The following CCBE1 variants were observed in gnomAD, a reference collection of about 807,000 sequenced individuals.
The protein encoded by CCBE1 is collagen and calcium binding EGF domains 1.
A neutral mutation model predicts 50.0 loss-of-function variants in CCBE1; 37 were observed. The ratio of observed to expected loss-of-function variants is 0.74; its 90% CI spans 0.57 to 0.97. The LOEUF (loss-of-function observed/expected upper bound fraction) is 0.97. CCBE1 is among the 50% of genes least tolerant of loss of function. The probability of loss-of-function intolerance (pLI) is 0.00; values close to 1 mark genes in which losing one functional copy is unlikely to be tolerated. For synonymous variants in CCBE1, 234 were observed against 203.7 expected, an observed-to-expected ratio of 1.15 and a Z score of -1.27; for missense variants, 538 against 523.8, an observed-to-expected ratio of 1.03 and a Z score of -0.26.
chr18:59,638,439 C>T (rs928940301), intron 2 of CCBE1, among the ~76,000 whole-genome samples: 48 of 151,978 alleles, frequency 3.2e-4, no homozygotes, highest in African/African-American at 1.0e-3. Context: ...GCAGCATCAG[C>T]ACCACTAGAG....
At chr18:59,633,744 T>TA (rs1555700923) in intron 2 of CCBE1, among the ~76,000 whole-genome samples, 26 of 151,584 alleles carry the variant, frequency 1.7e-4, no homozygotes, top group African/African-American at 5.3e-4. Context: ...TTTTTTTTTT[T>TA]AAAATAAAAC....
At chr18:59,455,082 G>T in intron 5 of CCBE1, 131 bp from the exon 6 acceptor site, 1 of 744,194 alleles carries the variant, frequency 1.3e-6, no homozygotes, top group South Asian at 1.5e-5. Context: ...TCAACTGTGG[G>T]TGATTTTACA....
chr18:59,624,735 C>G (rs929466103), intron 2 of CCBE1, among the ~76,000 whole-genome samples: 4 of 152,238 alleles, frequency 2.6e-5, no homozygotes, highest in Non-Finnish European at 5.9e-5. Context: ...CAGAGACACT[C>G]TTGTCACCAG....
chr18:59,616,828 G>T (rs1048582930), intron 2 of CCBE1, among the ~76,000 whole-genome samples: 1 of 152,182 alleles, frequency 6.6e-6, no homozygotes, highest in Non-Finnish European at 1.5e-5. Context: ...AAGCCTGTTC[G>T]GACGGAAGCC....
chr18:59,694,522 C>G (rs947166853), intron 2 of CCBE1, among the ~76,000 whole-genome samples: 1 of 152,210 alleles, frequency 6.6e-6, no homozygotes, highest in African/African-American at 2.4e-5. Context: ...TGGTTTCTTA[C>G]AGCAGTGCTT....
intron 9 of CCBE1, 40 bp from the exon 10 acceptor site, chr18:59,438,186 T>C (rs1162087460): frequency 2.5e-6 from 4 of 1,588,400 alleles, no homozygotes; most frequent in Middle Eastern, 1.7e-4. Context: ...CTAGAGCACA[T>C]GGATATCACA....
chr18:59,497,361 A>G (rs1318031462), intron 2 of CCBE1, among the ~76,000 whole-genome samples: 3 of 152,330 alleles, frequency 2.0e-5, no homozygotes, highest in East Asian at 3.9e-4. Context: ...CACAGATCAT[A>G]CTGAGTAATA....
intron 2 of CCBE1, among the ~76,000 whole-genome samples, chr18:59,569,790 A>G (rs1380206818): frequency 1.3e-5 from 2 of 152,172 alleles, no homozygotes; most frequent in African/African-American, 4.8e-5. Flanking sequence ...GCTCAACACC[A>G]TGCCTAGCTA....
At chr18:59,640,495 G>A (rs955441793) in intron 2 of CCBE1, among the ~76,000 whole-genome samples, 1 of 152,074 alleles carries the variant, frequency 6.6e-6, no homozygotes, top group Non-Finnish European at 1.5e-5. Flanking sequence ...ATGGATTAAA[G>A]ACTTAAACAT....
At chr18:59,694,227 A>T (rs2144757283) in intron 2 of CCBE1, among the ~76,000 whole-genome samples, 1 of 152,298 alleles carries the variant, frequency 6.6e-6, no homozygotes, top group East Asian at 1.9e-4. Context: ...TGGCTTCCAG[A>T]GTTCCTTCAC....
chr18:59,585,625 A>G (rs916315221), intron 2 of CCBE1, among the ~76,000 whole-genome samples: 1 of 152,254 alleles, frequency 6.6e-6, no homozygotes, highest in African/African-American at 2.4e-5. Flanking sequence ...GTTAAGTATC[A>G]GCAAAACAAC....
At chr18:59,665,012 C>A (rs2054334380) in intron 2 of CCBE1, among the ~76,000 whole-genome samples, 1 of 152,108 alleles carries the variant, frequency 6.6e-6, no homozygotes, top group African/African-American at 2.4e-5. Context: ...AGTCTGGTAG[C>A]AAAAGGCAGC....
chr18:59,638,651 A>G (rs1397946396), intron 2 of CCBE1, among the ~76,000 whole-genome samples: 5 of 152,258 alleles, frequency 3.3e-5, no homozygotes, highest in Admixed American at 6.5e-5. Flanking sequence ...ACCTGTTGAT[A>G]TACTTGCTCT....
intron 2 of CCBE1, among the ~76,000 whole-genome samples, chr18:59,623,850 A>C (rs2144611658): frequency 6.6e-6 from 1 of 152,332 alleles, no homozygotes; most frequent in South Asian, 2.1e-4. Flanking sequence ...GCAATAAAAA[A>C]ACACAAGCTG....
chr18:59,696,380 C>T, intron 2 of CCBE1: 1 of 951,510 alleles, frequency 1.1e-6, no homozygotes, highest in Non-Finnish European at 1.5e-6. Flanking sequence ...ACAAGTATTT[C>T]AGGGAGCGGC....
chr18:59,479,060 CA>C (rs1459839437), intron 3 of CCBE1, among the ~76,000 whole-genome samples: 3 of 152,164 alleles, frequency 2.0e-5, no homozygotes, highest in Non-Finnish European at 4.4e-5. Context: ...TCTAACTGAT[CA>C]AAAATGGTGC....
chr18:59,618,582 G>A (rs919285762), intron 2 of CCBE1, among the ~76,000 whole-genome samples: 1 of 151,978 alleles, frequency 6.6e-6, no homozygotes, highest in Non-Finnish European at 1.5e-5. Flanking sequence ...CTACAGGTGC[G>A]TGCCACCAAA....
chr18:59,496,425 C>G (rs891010839), intron 2 of CCBE1, among the ~76,000 whole-genome samples: 2 of 152,178 alleles, frequency 1.3e-5, no homozygotes, highest in Non-Finnish European at 2.9e-5. Flanking sequence ...ATAATTTTCT[C>G]TTTGTATCTT....
At chr18:59,568,624 C>G (rs1035139989) in intron 2 of CCBE1, 8 of 152,234 alleles carry the variant, frequency 5.3e-5, no homozygotes, top group African/African-American at 1.9e-4. Flanking sequence ...TAGGCTGCAT[C>G]TGCTCAGTTC....
Sources: allele counts gnomAD v4.1 joint callset (sites outside exome capture counted in the v4.1 genomes callset), GRCh38; gene constraint gnomAD v4.1.1; transcripts MANE v1.5; gene names NCBI Gene and HGNC (gene_info 2026-07-23, HGNC 2026-07-21).